The following EVL variants were observed in gnomAD, a reference collection of about 807,000 sequenced individuals.
The protein encoded by EVL is Enah/Vasp-like, also known as ena/VASP-like protein.
In EVL, 21 loss-of-function variants were observed where a neutral mutation model predicts 59.6. The ratio of observed to expected loss-of-function variants is 0.35; its 90% CI spans 0.25 to 0.51. The LOEUF (loss-of-function observed/expected upper bound fraction) is 0.51, where lower values mean the gene tolerates loss of function less well. EVL is among the 20% of genes least tolerant of loss of function. The pLI is 0.97. For missense variants in EVL, 462 were observed against 546.6 expected, an observed-to-expected ratio of 0.85 and a Z score of 1.54; for synonymous variants, 198 against 203.5, an observed-to-expected ratio of 0.97 and a Z score of 0.23.
At chr14:100,081,300 C>G (rs184094502) in intron 1 of EVL, among the ~76,000 whole-genome samples, 1 of 151,984 alleles carries the variant, frequency 6.6e-6, no homozygotes, top group East Asian at 1.9e-4. Flanking sequence ...AGATAGCAAT[C>G]GAGATTTTAT....
chr14:100,013,698 C>T (rs1228815243), intron 1 of EVL, among the ~76,000 whole-genome samples: 1 of 152,220 alleles, frequency 6.6e-6, no homozygotes, highest in Non-Finnish European at 1.5e-5. Flanking sequence ...TTCATCTCCA[C>T]ACAGCACAGG....
chr14:100,119,720 C>T (rs773389360), intron 3 of EVL, among the ~76,000 whole-genome samples: 6 of 152,156 alleles, frequency 3.9e-5, no homozygotes, highest in African/African-American at 9.7e-5. Flanking sequence ...TATTCCTCAC[C>T]GCAGCTTGGT....
chr14:100,140,984 TATC>T, intron 11 of EVL, 193 bp from the exon 12 acceptor site: 1 of 523,602 alleles, frequency 1.9e-6, no homozygotes, highest in Admixed American at 3.5e-5. Flanking sequence ...ACAGTCACGG[TATC>T]CATGGAGACC....
At chr14:100,079,546 C>T (rs1473592118) in intron 1 of EVL, among the ~76,000 whole-genome samples, 1 of 152,194 alleles carries the variant, frequency 6.6e-6, no homozygotes, top group African/African-American at 2.4e-5. Context: ...CATGGGGCTG[C>T]AGGAGCCAGC....
chr14:100,003,148 C>G (rs1031484140), intron 1 of EVL, among the ~76,000 whole-genome samples: 1 of 152,144 alleles, frequency 6.6e-6, no homozygotes. Flanking sequence ...TCACGCACCC[C>G]CCTCTTCCAC....
chr14:100,094,125 C>CA (rs561710550), intron 2 of EVL, among the ~76,000 whole-genome samples: 31 of 150,466 alleles, frequency 2.1e-4, no homozygotes, highest in South Asian at 8.4e-4. Flanking sequence ...ATACTGGCAA[C>CA]AAAAAAAAAT....
chr14:100,030,397 C>T (rs952922887), intron 1 of EVL, among the ~76,000 whole-genome samples: 5 of 152,170 alleles, frequency 3.3e-5, no homozygotes, highest in Admixed American at 6.5e-5. Flanking sequence ...CCACCGCGCC[C>T]GGCCGAGATT....
At chr14:100,044,484 G>A (rs142195559) in intron 1 of EVL, among the ~76,000 whole-genome samples, 130 of 152,282 alleles carry the variant, frequency 8.5e-4, no homozygotes, top group African/African-American at 3.1e-3. Flanking sequence ...GGCTATAGGA[G>A]AGCAAACATA....
At chr14:100,043,196 C>T in intron 1 of EVL, among the ~76,000 whole-genome samples, 1 of 151,532 alleles carries the variant, frequency 6.6e-6, no homozygotes, top group Non-Finnish European at 1.5e-5. Context: ...CAGGATTCTC[C>T]AGGGAGTACC....
Position 100,130,615 on chromosome 14 carries a change from C to T in EVL, c.839+931C>T, listed in dbSNP as rs116044502. ...CTGTGTGCCCAGGGTCTTCACACTG[C>T]AGTCCTAGTTCCTCTCATTACCTTC... is the stretch of plus-strand genomic sequence containing the variant. On this transcript the variant is annotated intron_variant, in intron 7 of 13. Coordinates refer to ENST00000392920, the MANE Select transcript of EVL (RefSeq NM_016337.3). The surrounding 1 kb of genome is among the most constrained non-coding windows in gnomAD (Gnocchi z 4.8). Among the ~76,000 whole-genome samples the T allele has an allele frequency of 2.0e-5, 3 of 152,342 alleles. No homozygotes were observed. The highest frequency in any genetic ancestry group is 7.2e-5 in the African/African-American group (3 of 41,580).
At chr14:100,037,610 C>T (rs1215878681) in intron 1 of EVL, among the ~76,000 whole-genome samples, 1 of 152,140 alleles carries the variant, frequency 6.6e-6, no homozygotes, top group East Asian at 1.9e-4. Context: ...GCAGTGTTTG[C>T]TAAATGTACA....
At chr14:100,093,521 C>T (rs2062608042) in intron 2 of EVL, among the ~76,000 whole-genome samples, 1 of 152,144 alleles carries the variant, frequency 6.6e-6, no homozygotes. Context: ...AGACACCAAA[C>T]AGCAGCAGTT....
chr14:99,971,986 GCCC>G (rs1330937278), exon 1 of EVL: 2 of 124,378 alleles, frequency 1.6e-5, no homozygotes, highest in Non-Finnish European at 3.1e-5. Flanking sequence ...CGCGTCCCGC[GCCC>G]CGCCGCCGCC....
At chr14:100,042,715 A>G (rs878898932) in intron 1 of EVL, among the ~76,000 whole-genome samples, 1 of 152,228 alleles carries the variant, frequency 6.6e-6, no homozygotes, top group Non-Finnish European at 1.5e-5. Context: ...CTGAAAAAGT[A>G]TAATATGCTT....
rs1353758582 is a variant in EVL at position 100,123,566 on chromosome 14, A to G, written c.386A>G (p.Asn129Ser). The G allele has an allele frequency of 6.2e-7, 1 of 1,614,114 alleles. No individual in the cohort carries two copies. Among genetic ancestry groups the G allele is most frequent in the Non-Finnish European group, 8.5e-7 (1 of 1,180,000 alleles). Reference sequence around the variant, plus strand: ...CCCTCCAGCCAGCGTCAGGTGCAGAATGGCCCCTCTCCTGATGAGATGGAC... The same window carrying G: ...CCCTCCAGCCAGCGTCAGGTGCAGAGTGGCCCCTCTCCTGATGAGATGGAC... ...GGPSSQRQVQNGPSPDEMDIQ... is the reference protein window; with the variant it reads ...GGPSSQRQVQSGPSPDEMDIQ... Residue 129 changes from asparagine to serine, a missense_variant, in exon 4 of 14, where the codon AAT (asparagine) becomes AGT (serine). Transcript: ENST00000392920.
At chr14:100,062,175 C>T (rs1199073113), upstream of EVL, among the ~76,000 whole-genome samples, 1 of 150,972 alleles carries the variant, frequency 6.6e-6, no homozygotes, top group African/African-American at 2.4e-5. Context: ...CTGTGAAGGT[C>T]AAACCTGTGC....
At chr14:100,040,959 A>G (rs936346148) in intron 1 of EVL, among the ~76,000 whole-genome samples, 5 of 152,090 alleles carry the variant, frequency 3.3e-5, no homozygotes, top group African/African-American at 1.2e-4. Flanking sequence ...GGCTAAAGAC[A>G]CTCCATTTGA....
Position 100,097,866 on chromosome 14 carries a change from C to G in EVL, c.358+208C>G, listed in dbSNP as rs1595172923. On this transcript the variant is annotated intron_variant, in intron 3 of 13. Transcript: ENST00000392920. Reference sequence around the variant, plus strand: ...AAGAATGGAGTTTGTATCTCTTTGCCACTTGTGAGATATAGATTTGTACAG... The same window carrying G: ...AAGAATGGAGTTTGTATCTCTTTGCGACTTGTGAGATATAGATTTGTACAG... 2.9e-5 allele frequency: 14 copies of G among 482,694 alleles called. No homozygotes were observed. The East Asian group carries it at 4.8e-4, about 16-fold the overall frequency. The allele number at this position is 482,694 out of a possible 1,614,324, so 29.9% of individuals were successfully genotyped here.
At chr14:100,090,157 T>C (rs2062534064) in intron 2 of EVL, among the ~76,000 whole-genome samples, 1 of 152,158 alleles carries the variant, frequency 6.6e-6, no homozygotes, top group South Asian at 2.1e-4. Context: ...TGTCGCGGTT[T>C]TTTTGAATGA....
Sources: allele counts gnomAD v4.1 joint callset (sites outside exome capture counted in the v4.1 genomes callset), GRCh38; gene constraint gnomAD v4.1.1; non-coding constraint Gnocchi (gnomAD v3.1); transcripts MANE v1.5; gene names NCBI Gene and HGNC (gene_info 2026-07-23, HGNC 2026-07-21).